PLCB1: variants seen among roughly 807,000 people sequenced by gnomAD.
PLCB1 encodes phospholipase C beta 1.
Under a neutral mutation model 161.8 loss-of-function variants are expected in PLCB1, and 46 were observed. The ratio of observed to expected loss-of-function variants is 0.28; its 90% CI spans 0.22 to 0.36. The LOEUF (loss-of-function observed/expected upper bound fraction) is 0.36, where lower values mean the gene tolerates loss of function less well. PLCB1 is among the 10% of genes least tolerant of loss of function. PLCB1 has a pLI of 1.00. For missense variants in PLCB1, 1,016 were observed against 1,472.5 expected (o/e 0.69, Z 5.07); for synonymous variants, 517 against 503.7 (o/e 1.03, Z -0.35).
At chr20:8,189,313 G>A (rs1479667131) in intron 2 of PLCB1, among the ~76,000 whole-genome samples, 1 of 145,356 alleles carries the variant, frequency 6.9e-6, no homozygotes, top group Non-Finnish European at 1.5e-5. Flanking sequence ...TTTGACTATA[G>A]TAACTATTTT....
At chr20:8,692,354 G>A (rs1332502658) in intron 10 of PLCB1, among the ~76,000 whole-genome samples, 1 of 152,030 alleles carries the variant, frequency 6.6e-6, no homozygotes, top group Non-Finnish European at 1.5e-5. Context: ...CATATGCAAC[G>A]TTTTATCATT....
chr20:8,336,038 G>T (rs1985564632), intron 2 of PLCB1, among the ~76,000 whole-genome samples: 1 of 152,156 alleles, frequency 6.6e-6, no homozygotes. Flanking sequence ...GGAACATTTG[G>T]AGAGTCTTTA....
At chr20:8,565,159 A>G (rs1309326574) in intron 3 of PLCB1, among the ~76,000 whole-genome samples, 1 of 152,204 alleles carries the variant, frequency 6.6e-6, no homozygotes, top group Non-Finnish European at 1.5e-5. Context: ...ATGCAGCCAT[A>G]AAAAAGGATG....
At chr20:8,554,085 A>C (rs1374519120) in intron 3 of PLCB1, among the ~76,000 whole-genome samples, 2 of 151,974 alleles carry the variant, frequency 1.3e-5, no homozygotes, top group African/African-American at 2.4e-5. Flanking sequence ...AATTAAGGAA[A>C]AAAAAAAAAC....
chr20:8,442,708 A>G (rs567112521), intron 3 of PLCB1, among the ~76,000 whole-genome samples: 1 of 152,188 alleles, frequency 6.6e-6, no homozygotes, highest in African/African-American at 2.4e-5. Flanking sequence ...CAAAATGTAT[A>G]ATATTATCTA....
intron 2 of PLCB1, among the ~76,000 whole-genome samples, chr20:8,333,777 A>G (rs776243273): frequency 2.6e-5 from 4 of 152,218 alleles, no homozygotes; most frequent in Non-Finnish European, 4.4e-5. Context: ...TTCAACTGGT[A>G]GAGACCCTGT....
chr20:8,590,451 G>GT lies in PLCB1; in HGVS notation c.247-37834dup, dbSNP rs955901639. 7.9e-5 allele frequency among the ~76,000 whole-genome samples: 12 copies of GT among 151,440 alleles called. 1 individual carries two copies. Among genetic ancestry groups the GT allele is most frequent in the East Asian group, 3.9e-4 (2 of 5,162 alleles). On this transcript the variant is annotated intron_variant, in intron 3 of 31. Coordinates refer to ENST00000338037, the MANE Select transcript of PLCB1 (RefSeq NM_015192.4). ...TCACCTTTTTCTTTGCTCTTTGGTA[G>GT]TTTTTTTTTGTTGTTGTTGTTGCTA... is the stretch of plus-strand genomic sequence containing the variant.
In PLCB1 at chr20:8,197,057, CCTGT is replaced by C. The variant is rs1197296203; in HGVS notation, c.177+46689_177+46692del. Among the ~76,000 whole-genome samples the C allele has an allele frequency of 2.6e-5, 4 of 152,236 alleles. No homozygotes were observed. The East Asian group carries it at 7.7e-4, about 29-fold the overall frequency. ...TGTATATGTGCCACATTTTCTTAATCCTGTCTATCATTGTTGGACATTTGGGTTG... is the reference window on the plus strand; with the variant it reads ...TGTATATGTGCCACATTTTCTTAATCCTATCATTGTTGGACATTTGGGTTG... On this transcript the variant is annotated intron_variant, in intron 2 of 31. Transcript: ENST00000338037.
At chr20:8,679,790 T>A (rs1265000014) in intron 9 of PLCB1, among the ~76,000 whole-genome samples, 1 of 152,240 alleles carries the variant, frequency 6.6e-6, no homozygotes, top group Non-Finnish European at 1.5e-5. Context: ...AGGTAATTTA[T>A]TTTTAGCCTT....
chr20:8,383,863 G>A (rs184030884), intron 3 of PLCB1, among the ~76,000 whole-genome samples: 10 of 152,240 alleles, frequency 6.6e-5, no homozygotes, highest in Admixed American at 1.3e-4. Flanking sequence ...ATCTCTTCTG[G>A]CTTATAGGGT....
chr20:8,420,577 T>C (rs767199247), intron 3 of PLCB1, among the ~76,000 whole-genome samples: 25 of 152,196 alleles, frequency 1.6e-4, no homozygotes, highest in Admixed American at 7.9e-4. Context: ...CATCTTTGTG[T>C]TCATCTTTAC....
intron 2 of PLCB1, among the ~76,000 whole-genome samples, chr20:8,339,935 C>A (rs191016513): frequency 4.6e-5 from 7 of 152,252 alleles, no homozygotes; most frequent in African/African-American, 1.7e-4. Context: ...GCACTTCAGC[C>A]TGGGCAACAA....
At chr20:8,270,252 T>C (rs187466247) in intron 2 of PLCB1, among the ~76,000 whole-genome samples, 6 of 152,288 alleles carry the variant, frequency 3.9e-5, no homozygotes, top group Admixed American at 3.9e-4. Context: ...TCACATTACA[T>C]TGACTTTCTT....
chr20:8,317,459 T>C (rs1481563790), intron 2 of PLCB1, among the ~76,000 whole-genome samples: 2 of 152,076 alleles, frequency 1.3e-5, no homozygotes, highest in Non-Finnish European at 2.9e-5. Flanking sequence ...TCATCACTAG[T>C]GGAGTGTTTG....
chr20:8,442,705 TATA>T (rs1980616136), intron 3 of PLCB1, among the ~76,000 whole-genome samples: 1 of 152,228 alleles, frequency 6.6e-6, no homozygotes, highest in Non-Finnish European at 1.5e-5. Context: ...TATCAAAATG[TATA>T]ATATTATCTA....
chr20:8,369,201 C>T (rs575963159), intron 2 of PLCB1, among the ~76,000 whole-genome samples: 61 of 152,316 alleles, frequency 4.0e-4, no homozygotes, highest in African/African-American at 1.3e-3. Context: ...TTCTGAGTCT[C>T]AGTGTAGGAA....
chr20:8,469,983 A>G lies in PLCB1; in HGVS notation c.246+98533A>G, dbSNP rs143556958. ...AACCGCTAATTTACTTTCTGTCTCCATGGATTTGTCTCTTCCAGACATTTC... is the reference window on the plus strand; with the variant it reads ...AACCGCTAATTTACTTTCTGTCTCCGTGGATTTGTCTCTTCCAGACATTTC... On this transcript the variant is annotated intron_variant, in intron 3 of 31. Transcript: ENST00000338037. Among the ~76,000 whole-genome samples the G allele has an allele frequency of 2.4e-3, 363 of 152,262 alleles. 6 individuals carry two copies. The highest frequency in any genetic ancestry group is 1.7e-3 in the Non-Finnish European group (119 of 68,014).
At chr20:8,792,877 T>G in intron 31 of PLCB1, 1 of 323,228 alleles carries the variant, frequency 3.1e-6, no homozygotes, top group East Asian at 7.6e-5. Flanking sequence ...CAAAATCAAG[T>G]GTGAGACATG....
intron 2 of PLCB1, among the ~76,000 whole-genome samples, chr20:8,275,621 T>C (rs528729236): frequency 1.3e-5 from 2 of 152,330 alleles, no homozygotes; most frequent in South Asian, 2.1e-4. Context: ...TTGTTTCTTG[T>C]ATGTTCTTGT....
Sources: allele counts gnomAD v4.1 joint callset (sites outside exome capture counted in the v4.1 genomes callset), GRCh38; gene constraint gnomAD v4.1.1; transcripts MANE v1.5; gene names NCBI Gene and HGNC (gene_info 2026-07-23, HGNC 2026-07-21).